Variants in FAM20C observed in about 807,000 individuals in gnomAD.
FAM20C encodes the protein FAM20C golgi associated secretory pathway kinase, also known as extracellular serine/threonine protein kinase FAM20C.
FAM20C carries 40 observed loss-of-function variants against 51.5 expected under a neutral mutation model. The ratio of observed to expected loss-of-function variants is 0.78; its 90% CI spans 0.60 to 1.01. The LOEUF (loss-of-function observed/expected upper bound fraction) is 1.01. Among genes scored for constraint, FAM20C ranks in the 50% least tolerant of loss-of-function variants. FAM20C has a pLI of 0.00. For missense variants in FAM20C, 861 were observed against 844.7 expected (o/e 1.02, Z -0.24); for synonymous variants, 406 against 380.6 (o/e 1.07, Z -0.78).
intron 2 of FAM20C, among the ~76,000 whole-genome samples, chr7:206,466 C>T (rs1056414101): frequency 9.4e-5 from 14 of 149,728 alleles, no homozygotes; most frequent in South Asian, 6.3e-4. Flanking sequence ...CACTGTGATG[C>T]GTTGGCCCTG....
At chr7:248,881 G>A (rs935550950) in intron 5 of FAM20C, among the ~76,000 whole-genome samples, 4 of 152,242 alleles carry the variant, frequency 2.6e-5, no homozygotes, top group African/African-American at 4.8e-5. Context: ...CCTGGCACGT[G>A]CCCTGTGCCC....
Position 260,041 on chromosome 7 carries a change from G to A in FAM20C, c.*61G>A, listed in dbSNP as rs934606472. ...AGAGGCGCCGGACCTCCCAGCAAGC[G>A]CATGCGCCCGTCGTGAATTCAGTGA... On this transcript the variant is annotated 3_prime_UTR_variant, in exon 10 of 10. Transcript: ENST00000313766. The A allele has an allele frequency of 3.9e-5, 56 of 1,442,150 alleles. No individual in the cohort carries two copies. The highest frequency in any genetic ancestry group is 9.7e-5 in the Admixed American group (4 of 41,310). The allele number at this position is 1,442,150 out of a possible 1,614,324, so 89.3% of individuals were successfully genotyped here.
At chr7:208,859 G>T in intron 2 of FAM20C, 39 bp from the exon 3 acceptor site, 2 of 1,549,522 alleles carry the variant, frequency 1.3e-6, no homozygotes, top group Non-Finnish European at 1.7e-6. Flanking sequence ...GGGGCGTGAG[G>T]CCAGAGAGTG....
intron 3 of FAM20C, among the ~76,000 whole-genome samples, chr7:217,414 T>C (rs1562376914): frequency 6.6e-6 from 1 of 152,244 alleles, no homozygotes; most frequent in Non-Finnish European, 1.5e-5. Flanking sequence ...TGCCCCCCTT[T>C]AGGGTAGAGC....
chr7:258,528 G>A (rs1788740598), intron 8 of FAM20C, 118 bp from the exon 9 acceptor site: 1 of 996,020 alleles, frequency 1.0e-6, no homozygotes, highest in South Asian at 1.4e-5. Context: ...GGGCTGGGTG[G>A]ACCCACTGCC....
rs187028392 is a variant in FAM20C, at chr7:217,996, C to T, written c.863+9020C>T. Among the ~76,000 whole-genome samples the T allele has an allele frequency of 1.0e-3, 155 of 152,294 alleles. 2 individuals are homozygous for T. Among genetic ancestry groups the T allele is most frequent in the Non-Finnish European group, 1.2e-4 (8 of 68,024 alleles). ...GTACAGTGGGCCGAGGGCTGCCCGTCCCCGTCGGCCCCGGGATGCTTTGTT... is the reference window on the plus strand; with the variant it reads ...GTACAGTGGGCCGAGGGCTGCCCGTTCCCGTCGGCCCCGGGATGCTTTGTT... On this transcript the variant is annotated intron_variant, in intron 3 of 9. Transcript: ENST00000313766.
chr7:206,648 A>G (rs1253522707), intron 2 of FAM20C, among the ~76,000 whole-genome samples: 5 of 145,496 alleles, frequency 3.4e-5, no homozygotes, highest in Admixed American at 1.4e-4. Flanking sequence ...ACACGTGTCC[A>G]CTGTGACGCG....
rs1172418775 is a variant in FAM20C at position 256,993 on chromosome 7, C to T, written c.1364-12C>T. On this transcript the variant is annotated splice_polypyrimidine_tract_variant and intron_variant, in intron 7 of 9. Coordinates refer to ENST00000313766, the MANE Select transcript of FAM20C (RefSeq NM_020223.4). ...CCCCACGAGCTGTGACACTTTCTGCCTCTCTCCGCAGGAAACATGGACCGT... is the reference window on the plus strand; with the variant it reads ...CCCCACGAGCTGTGACACTTTCTGCTTCTCTCCGCAGGAAACATGGACCGT... The T allele has an allele frequency of 2.6e-6, 4 of 1,537,026 alleles. No homozygotes were observed. In the South Asian group the frequency reaches 3.6e-5, roughly 14 times the overall value.
chr7:214,664 G>T (rs534087750), intron 3 of FAM20C, among the ~76,000 whole-genome samples: 6 of 152,302 alleles, frequency 3.9e-5, no homozygotes, highest in African/African-American at 1.2e-4. Context: ...CAACAAGGGC[G>T]TTGGAAGAAG....
chr7:243,944 A>AATAAGAATT (rs771341264), intron 3 of FAM20C, among the ~76,000 whole-genome samples: 1 of 136,846 alleles, frequency 7.3e-6, no homozygotes, highest in Admixed American at 7.2e-5. Context: ...TAATAATAAT[A>AATAAGAATT]ATTATTATTA....
In FAM20C at chr7:193,754, T is replaced by C; in HGVS notation, c.555T>C (p.Asn185=). ...PPLTEEDVLF[N]VNSDTRLSPK... ...TCACGGAGGAGGACGTCCTGTTCAA[T>C]GTGAACAGCGACACCAGGCTCAGCC... is the stretch of plus-strand genomic sequence containing the variant. Residue 185 remains asparagine (N), a synonymous_variant, in exon 1 of 10, where the codon AAT becomes AAC. Transcript: ENST00000313766. The C allele has an allele frequency of 1.3e-6, 2 of 1,549,646 alleles. No individual in the cohort carries two copies. The highest frequency in any genetic ancestry group is 1.7e-6 in the Non-Finnish European group (2 of 1,146,692).
intron 3 of FAM20C, among the ~76,000 whole-genome samples, chr7:234,836 C>T (rs1221179907): frequency 6.6e-6 from 1 of 152,166 alleles, no homozygotes; most frequent in African/African-American, 2.4e-5. Flanking sequence ...CCATCCCTGC[C>T]GTTTCTCCGA....
intron 3 of FAM20C, among the ~76,000 whole-genome samples, chr7:226,797 C>G (rs932691659): frequency 1.3e-5 from 2 of 152,230 alleles, no homozygotes; most frequent in African/African-American, 2.4e-5. Context: ...CACCTGGCAG[C>G]TAGACATTTC....
chr7:200,889 C>T (rs1204538939), intron 2 of FAM20C, among the ~76,000 whole-genome samples: 1 of 152,128 alleles, frequency 6.6e-6, no homozygotes, highest in Non-Finnish European at 1.5e-5. Flanking sequence ...AGTAGGTTCC[C>T]ACAGTTCTAG....
chr7:214,883 T>A (rs1786887158), intron 3 of FAM20C, among the ~76,000 whole-genome samples: 1 of 151,970 alleles, frequency 6.6e-6, no homozygotes, highest in Admixed American at 6.6e-5. Context: ...TGTGACCACC[T>A]CCAGGTAGAA....
At chr7:250,417 C>T (rs1486083373) in intron 5 of FAM20C, among the ~76,000 whole-genome samples, 2 of 152,154 alleles carry the variant, frequency 1.3e-5, no homozygotes, top group African/African-American at 4.8e-5. Context: ...CCTGGCCCTA[C>T]ACACCAGGAA....
chr7:226,343 T>C (rs1277502570), intron 3 of FAM20C, among the ~76,000 whole-genome samples: 1 of 150,942 alleles, frequency 6.6e-6, no homozygotes, highest in Non-Finnish European at 1.5e-5. Context: ...GTGCAGGGGG[T>C]GGAAGGTTTG....
chr7:232,888 C>T (rs1297608393), intron 3 of FAM20C, among the ~76,000 whole-genome samples: 1 of 152,242 alleles, frequency 6.6e-6, no homozygotes, highest in African/African-American at 2.4e-5. Context: ...CTCTTGGAGC[C>T]AGGACCTCTC....
chr7:193,557 G>T lies in FAM20C; in HGVS notation c.358G>T (p.Ala120Ser), dbSNP rs1380960628. ...LPPAAEPAER[A>S]LRGRDPGALR... ...GCCCGCGGCCGAGCCGGCCGAGCGC[G>T]CCTTGCGGGGGCGGGATCCCGGCGC... Residue 120 changes from alanine to serine, a missense_variant, in exon 1 of 10, where the codon GCC becomes TCC. Around this residue, in one of 3 missense-constraint regions of FAM20C, gnomAD observed 561 missense variants for 499.8 expected, o/e 1.12. Coordinates refer to ENST00000313766, the MANE Select transcript of FAM20C (RefSeq NM_020223.4). The T allele has an allele frequency of 6.7e-6, 10 of 1,496,502 alleles. No homozygotes were observed. The highest frequency in any genetic ancestry group is 1.3e-5 in the South Asian group (1 of 78,672). The allele number at this position is 1,496,502 out of a possible 1,614,324, so 92.7% of individuals were successfully genotyped here.
Sources: allele counts gnomAD v4.1 joint callset (sites outside exome capture counted in the v4.1 genomes callset), GRCh38; gene constraint gnomAD v4.1.1; regional missense constraint gnomAD v4.1.1; transcripts MANE v1.5; gene names NCBI Gene and HGNC (gene_info 2026-07-23, HGNC 2026-07-21).